RIOX2: variants seen among roughly 807,000 people sequenced by gnomAD.
RIOX2 encodes 60S ribosomal protein L27a histidine hydroxylase.
Under a neutral mutation model 51.2 loss-of-function variants are expected in RIOX2, and 43 were observed. That is an observed-to-expected ratio of 0.84 (90% CI 0.66 to 1.08). RIOX2 has a LOEUF of 1.08. RIOX2 is among the 50% of genes least tolerant of loss of function. The pLI is 0.00. For missense variants in RIOX2, 566 were observed against 561.7 expected, an observed-to-expected ratio of 1.01 and a Z score of -0.08; for synonymous variants, 226 against 218.5, an observed-to-expected ratio of 1.03 and a Z score of -0.30.
In RIOX2 at chr3:97,958,493, C is replaced by T. The variant is rs146143543; in HGVS notation, c.681+558G>A. ...AGGAACCTGCACATGATTAAGCCACCTGAATCCCCAGAGAAGGAATCCTCA... is the reference window on the plus strand; with the variant it reads ...AGGAACCTGCACATGATTAAGCCACTTGAATCCCCAGAGAAGGAATCCTCA... On this transcript the variant is annotated intron_variant, in intron 4 of 9. Coordinates refer to ENST00000394198, the MANE Select transcript of RIOX2 (RefSeq NM_153182.4). Among the ~76,000 whole-genome samples the T allele has an allele frequency of 6.2e-3, 939 of 152,308 alleles. 10 individuals are homozygous for T. The highest frequency in any genetic ancestry group is 0.022 in the African/African-American group (911 of 41,558).
Position 97,947,390 on chromosome 3 carries a change from G to C in RIOX2, c.1120C>G (p.Leu374Val). ...VRLQFKDHIV[L>V]TVLPDQDQSD... ...TGATCTTGATCCGGCAGTACTGTGAGGACAATGTGGTCTTTAAACTGCAGT... is the reference window on the plus strand; with the variant it reads ...TGATCTTGATCCGGCAGTACTGTGACGACAATGTGGTCTTTAAACTGCAGT... The change falls in exon 8 of 10, where the codon CTC (leucine) becomes GTC (valine). Residue 374 changes from leucine (L) to valine (V), a missense_variant. Physicochemically the swap from Leu to Val is conservative, Grantham distance 32. Coordinates refer to ENST00000394198, the MANE Select transcript of RIOX2 (RefSeq NM_153182.4). 6.2e-7 allele frequency: 1 copy of C among 1,613,318 alleles called. No homozygotes were observed. The highest frequency in any genetic ancestry group is 8.5e-7 in the Non-Finnish European group (1 of 1,179,436).
chr3:97,961,944 T>C (rs1212916893), intron 2 of RIOX2, among the ~76,000 whole-genome samples: 1 of 152,148 alleles, frequency 6.6e-6, no homozygotes, highest in East Asian at 1.9e-4. Flanking sequence ...ACTGACAAGG[T>C]GGGCAATTGG....
intron 7 of RIOX2, 127 bp downstream of exon 7, chr3:97,949,717 G>A: frequency 1.3e-6 from 1 of 799,644 alleles, no homozygotes; most frequent in Admixed American, 2.5e-5. Flanking sequence ...CACTAAGGAT[G>A]GATGTGGTCC....
Position 97,942,288 on chromosome 3 carries a change from G to A in RIOX2, c.*2896C>T, listed in dbSNP as rs1363166483. ...ATCATTTCTTAACCCTTTTAGGCCAGTGATACATGTCTTGATGTGATTGGT... is the reference window on the plus strand; with the variant it reads ...ATCATTTCTTAACCCTTTTAGGCCAATGATACATGTCTTGATGTGATTGGT... On this transcript the variant is annotated 3_prime_UTR_variant, in exon 10 of 10. Coordinates refer to ENST00000394198, the MANE Select transcript of RIOX2 (RefSeq NM_153182.4). The A allele has an allele frequency of 1.2e-6, 2 of 1,606,164 alleles. No homozygotes were observed. The highest frequency in any genetic ancestry group is 1.7e-6 in the Non-Finnish European group (2 of 1,175,418).
intron 3 of RIOX2, 74 bp downstream of exon 3, chr3:97,961,515 C>T (rs1314159722): frequency 6.7e-7 from 1 of 1,489,726 alleles, no homozygotes; most frequent in African/African-American, 1.4e-5. Context: ...GTGAACTCAC[C>T]CTGACAACTC....
intron 6 of RIOX2, among the ~76,000 whole-genome samples, chr3:97,950,337 C>A (rs921993489): frequency 6.6e-6 from 1 of 152,206 alleles, no homozygotes; most frequent in Non-Finnish European, 1.5e-5. Flanking sequence ...TCAGAGAAAG[C>A]AACCTTTGCT....
intron 3 of RIOX2, among the ~76,000 whole-genome samples, chr3:97,961,270 T>C (rs1315048580): frequency 2.6e-5 from 4 of 152,188 alleles, no homozygotes; most frequent in African/African-American, 9.7e-5. Flanking sequence ...GACCATACTT[T>C]GTGAAATTAA....
At chr3:97,946,947 T>A (rs113388179) in intron 8 of RIOX2, among the ~76,000 whole-genome samples, 2 of 152,054 alleles carry the variant, frequency 1.3e-5, no homozygotes, top group African/African-American at 4.8e-5. Flanking sequence ...ACAGAATATA[T>A]ACTTTGTTCT....
chr3:97,964,012 T>C (rs1185827232), intron 2 of RIOX2, among the ~76,000 whole-genome samples: 3 of 152,180 alleles, frequency 2.0e-5, no homozygotes, highest in South Asian at 2.1e-4. Context: ...ACAAGCGATA[T>C]TGCTTTACTA....
At chr3:97,957,358 T>C (rs1705488238) in intron 4 of RIOX2, among the ~76,000 whole-genome samples, 2 of 151,870 alleles carry the variant, frequency 1.3e-5, no homozygotes, top group Non-Finnish European at 2.9e-5. Flanking sequence ...TAGCCGGGCA[T>C]GGTGGTAGGC....
At chr3:97,949,722 TG>T in intron 7 of RIOX2, 121 bp downstream of exon 7, 1 of 833,202 alleles carries the variant, frequency 1.2e-6, no homozygotes, top group Non-Finnish European at 1.9e-6. Flanking sequence ...AGGATGGATG[TG>T]GTCCACATTA....
chr3:97,949,358 G>C (rs1292361815), intron 7 of RIOX2, among the ~76,000 whole-genome samples: 1 of 152,050 alleles, frequency 6.6e-6, no homozygotes, highest in Non-Finnish European at 1.5e-5. Flanking sequence ...AGTAGCCTGA[G>C]GTTTTCTCCA....
chr3:97,970,351 A>G (rs1488027409), intron 1 of RIOX2, among the ~76,000 whole-genome samples: 3 of 152,208 alleles, frequency 2.0e-5, no homozygotes, highest in African/African-American at 4.8e-5. Flanking sequence ...AGGCTCAGTT[A>G]ATTGGAGCCT....
At chr3:97,955,812 C>T (rs1257923028) in intron 4 of RIOX2, among the ~76,000 whole-genome samples, 1 of 152,108 alleles carries the variant, frequency 6.6e-6, no homozygotes, top group Non-Finnish European at 1.5e-5. Context: ...TAGTGTACTA[C>T]CTACATTACA....
Position 97,943,404 on chromosome 3 carries a change from G to C in RIOX2, c.*1780C>G. ...TTGTGGACGTGGAAAGGAAGCTACT[G>C]TCCTCACACTCCTGGATCACTGAGC... On this transcript the variant is annotated 3_prime_UTR_variant, in exon 10 of 10. Transcript: ENST00000394198. The C allele has an allele frequency of 1.4e-6, 1 of 738,632 alleles. No homozygotes were observed. 45.8% of individuals were successfully genotyped at this position (738,632 alleles called of 1,614,324 possible).
chr3:97,968,195 C>T (rs1388115273), intron 1 of RIOX2, among the ~76,000 whole-genome samples: 1 of 152,112 alleles, frequency 6.6e-6, no homozygotes, highest in East Asian at 1.9e-4. Context: ...TGGAGCAGGC[C>T]ACTGCCTTCT....
chr3:97,958,558 G>C (rs1023182926), intron 4 of RIOX2, among the ~76,000 whole-genome samples: 3 of 152,168 alleles, frequency 2.0e-5, no homozygotes, highest in Non-Finnish European at 4.4e-5. Flanking sequence ...AACTATGCAG[G>C]GGGCACAGAG....
At chr3:97,946,467 C>T (rs1441032676) in intron 8 of RIOX2, among the ~76,000 whole-genome samples, 1 of 151,538 alleles carries the variant, frequency 6.6e-6, no homozygotes, top group Non-Finnish European at 1.5e-5. Flanking sequence ...CATTCTTTGT[C>T]ACCTCTTAGA....
chr3:97,954,617 A>C, intron 4 of RIOX2, 122 bp from the exon 5 acceptor site: 25 of 769,580 alleles, frequency 3.2e-5, no homozygotes, highest in Non-Finnish European at 4.9e-5. Context: ...CCACAACCTC[A>C]AGGCACAGTC....
Sources: allele counts gnomAD v4.1 joint callset (sites outside exome capture counted in the v4.1 genomes callset), GRCh38; gene constraint gnomAD v4.1.1; transcripts MANE v1.5; gene names NCBI Gene and HGNC (gene_info 2026-07-23, HGNC 2026-07-21).